The following IMMP2L variants were observed in gnomAD, a reference collection of about 807,000 sequenced individuals.
IMMP2L encodes the protein mitochondrial inner membrane protease subunit 2.
Under a neutral mutation model 19.3 loss-of-function variants are expected in IMMP2L, and 18 were observed. The observed-to-expected ratio is 0.93, with a 90% CI of 0.64 to 1.38. The LOEUF is 1.38. Among genes scored for constraint, IMMP2L ranks in the 40% most tolerant of loss-of-function variants. The probability of loss-of-function intolerance (pLI) is 0.00; values close to 1 mark genes in which losing one functional copy is unlikely to be tolerated. For synonymous variants in IMMP2L, 76 were observed against 73.0 expected (o/e 1.04, Z -0.21); for missense variants, 233 against 218.2 (o/e 1.07, Z -0.43).
chr7:111,281,103 A>G (rs918626178), intron 3 of IMMP2L, among the ~76,000 whole-genome samples: 19 of 58,590 alleles, frequency 3.2e-4, no homozygotes, highest in South Asian at 1.8e-3. Flanking sequence ...AGAAAGAGAG[A>G]AAGAGAGAAA....
chr7:110,952,056 T>C (rs1468669683), intron 4 of IMMP2L, among the ~76,000 whole-genome samples: 1 of 152,154 alleles, frequency 6.6e-6, no homozygotes, highest in African/African-American at 2.4e-5. Flanking sequence ...GTGGGTATTT[T>C]AAAAGACAAT....
At chr7:111,001,224 G>A (rs191462072) in intron 3 of IMMP2L, among the ~76,000 whole-genome samples, 55 of 152,152 alleles carry the variant, frequency 3.6e-4, no homozygotes, top group African/African-American at 1.2e-3. Flanking sequence ...TGTTGTTATT[G>A]TACTTTTAAA....
At chr7:111,376,008 G>A (rs1830649688) in intron 3 of IMMP2L, among the ~76,000 whole-genome samples, 1 of 152,040 alleles carries the variant, frequency 6.6e-6, no homozygotes, top group Admixed American at 6.6e-5. Context: ...TCAGGCTCTG[G>A]ATTTAAAATG....
intron 3 of IMMP2L, among the ~76,000 whole-genome samples, chr7:111,153,675 A>G (rs1471168489): frequency 6.6e-6 from 1 of 152,088 alleles, no homozygotes; most frequent in Non-Finnish European, 1.5e-5. Flanking sequence ...TAACAAACAT[A>G]TATACAACAC....
chr7:111,108,763 G>C (rs999806962), intron 3 of IMMP2L, among the ~76,000 whole-genome samples: 2 of 152,046 alleles, frequency 1.3e-5, no homozygotes, highest in African/African-American at 4.8e-5. Flanking sequence ...CAAACCACAT[G>C]AGTCAATTCA....
At chr7:111,337,452 GGA>G (rs1826548505) in intron 3 of IMMP2L, among the ~76,000 whole-genome samples, 1 of 32,742 alleles carries the variant, frequency 3.1e-5, no homozygotes, top group South Asian at 1.4e-3. Flanking sequence ...TTGGATGGAA[GGA>G]TGGATGGATG....
chr7:111,551,260 TG>T lies in IMMP2L; in HGVS notation c.-3+10590del, dbSNP rs567791715. The stretch of plus-strand genomic sequence containing the variant: ...CAAAGACCTATGTCTCAGAATAACT[TG>T]GAAAAAAGTACAAATATTAAATTTT... On this transcript the variant is annotated intron_variant, in intron 1 of 5. Coordinates refer to ENST00000405709, the MANE Select transcript of IMMP2L (RefSeq NM_032549.4). Among the ~76,000 whole-genome samples the T allele has an allele frequency of 2.1e-4, 32 of 152,176 alleles. No individual in the cohort carries two copies. The South Asian group carries it at 6.4e-3, about 31-fold the overall frequency.
intron 3 of IMMP2L, among the ~76,000 whole-genome samples, chr7:111,359,562 A>T (rs928142210): frequency 6.6e-6 from 1 of 151,980 alleles, no homozygotes; most frequent in East Asian, 1.9e-4. Flanking sequence ...TCAGCCTCCC[A>T]AAGTGCTGGA....
chr7:111,155,929 T>C (rs893152969), intron 3 of IMMP2L, among the ~76,000 whole-genome samples: 1 of 152,088 alleles, frequency 6.6e-6, no homozygotes, highest in Admixed American at 6.6e-5. Context: ...TAACTTTGCC[T>C]GTCTTGGAAC....
intron 2 of IMMP2L, among the ~76,000 whole-genome samples, chr7:111,501,782 C>T (rs1844291057): frequency 1.3e-5 from 2 of 152,206 alleles, no homozygotes; most frequent in African/African-American, 4.8e-5. Flanking sequence ...CTGAGAGATT[C>T]TGTCACCACC....
At chr7:110,834,860 G>T (rs2131402812) in intron 5 of IMMP2L, among the ~76,000 whole-genome samples, 1 of 152,254 alleles carries the variant, frequency 6.6e-6, no homozygotes, top group South Asian at 2.1e-4. Context: ...GGCCTTTGTG[G>T]AGTAAAGCAC....
At chr7:111,225,890 T>TC (rs966773415) in intron 3 of IMMP2L, among the ~76,000 whole-genome samples, 7 of 152,132 alleles carry the variant, frequency 4.6e-5, no homozygotes, top group Admixed American at 4.6e-4. Context: ...GCTACTATAG[T>TC]CACTTTATAT....
chr7:110,885,952 C>T (rs1212905005), intron 5 of IMMP2L, among the ~76,000 whole-genome samples: 1 of 152,082 alleles, frequency 6.6e-6, no homozygotes, highest in Non-Finnish European at 1.5e-5. Context: ...AATTTAGTCA[C>T]ATTTCCACAA....
intron 3 of IMMP2L, among the ~76,000 whole-genome samples, chr7:111,154,321 C>T (rs1159306691): frequency 6.6e-6 from 1 of 152,024 alleles, no homozygotes; most frequent in East Asian, 1.9e-4. Flanking sequence ...CTGCTAGAAA[C>T]ATAATAAGGG....
intron 3 of IMMP2L, among the ~76,000 whole-genome samples, chr7:111,452,096 T>C (rs544676400): frequency 2.0e-5 from 3 of 152,180 alleles, no homozygotes; most frequent in Admixed American, 1.3e-4. Flanking sequence ...TTTAGACTTA[T>C]GTTTTTCTAG....
At chr7:111,340,507 A>C (rs1370329142) in intron 3 of IMMP2L, among the ~76,000 whole-genome samples, 1 of 152,060 alleles carries the variant, frequency 6.6e-6, no homozygotes, top group African/African-American at 2.4e-5. Context: ...ATACTTTCAA[A>C]TATAGAACAT....
intron 3 of IMMP2L, chr7:111,411,843 A>T: frequency 4.8e-6 from 1 of 207,774 alleles, no homozygotes; most frequent in Non-Finnish European, 1.0e-5. Context: ...CTCAGACTGA[A>T]GGAATATCAT....
chr7:110,843,419 T>C (rs1368034343), intron 5 of IMMP2L, among the ~76,000 whole-genome samples: 2 of 152,054 alleles, frequency 1.3e-5, no homozygotes, highest in South Asian at 4.1e-4. Context: ...GTCAACAAAG[T>C]AGTATACTTA....
intron 4 of IMMP2L, among the ~76,000 whole-genome samples, chr7:110,935,004 T>C (rs950607821): frequency 6.6e-6 from 1 of 152,204 alleles, no homozygotes; most frequent in Non-Finnish European, 1.5e-5. Context: ...ACATTTAAGG[T>C]TAATATTTTT....
Sources: allele counts gnomAD v4.1 joint callset (sites outside exome capture counted in the v4.1 genomes callset), GRCh38; gene constraint gnomAD v4.1.1; transcripts MANE v1.5; gene names NCBI Gene and HGNC (gene_info 2026-07-23, HGNC 2026-07-21).